MRTFB: variants seen among roughly 807,000 people sequenced by gnomAD.
MRTFB encodes the protein myocardin related transcription factor B.
Under a neutral mutation model 104.2 loss-of-function variants are expected in MRTFB, and 29 were observed. The observed-to-expected ratio is 0.28, with a 90% CI of 0.21 to 0.38. The LOEUF (loss-of-function observed/expected upper bound fraction) is 0.38. Ranked by LOEUF, MRTFB falls within the 10% of genes least tolerant of loss-of-function variation. The pLI is 1.00. For missense variants in MRTFB, 1,270 were observed against 1,341.6 expected (o/e 0.95, Z 0.83); for synonymous variants, 535 against 519.5 (o/e 1.03, Z -0.41).
chr16:13,996,030 G>C, the MRTFB span, among the ~76,000 whole-genome samples: 1 of 152,136 alleles, frequency 6.6e-6, no homozygotes, highest in African/African-American at 2.4e-5. Context: ...CTATCACTTT[G>C]GGAGGCCAAG....
At chr16:14,126,965 C>T (rs2037142087) in intron 2 of MRTFB, among the ~76,000 whole-genome samples, 1 of 152,224 alleles carries the variant, frequency 6.6e-6, no homozygotes, top group Non-Finnish European at 1.5e-5. Context: ...TGGTTTCTCA[C>T]AGCCAAGTGT....
At chr16:14,127,017 C>G (rs2037145832) in intron 2 of MRTFB, among the ~76,000 whole-genome samples, 1 of 152,150 alleles carries the variant, frequency 6.6e-6, no homozygotes, top group Non-Finnish European at 1.5e-5. Context: ...TTCATTTGCA[C>G]TCTGCAAGGG....
chr16:14,087,462 C>G (rs1303674701), intron 2 of MRTFB, among the ~76,000 whole-genome samples: 2 of 152,140 alleles, frequency 1.3e-5, no homozygotes, highest in African/African-American at 2.4e-5. Flanking sequence ...CTAGGCTACT[C>G]TCTTTAAATA....
chr16:14,198,791 C>T lies in MRTFB; in HGVS notation c.155-11452C>T, dbSNP rs148020921. On this transcript the variant is annotated intron_variant, in intron 3 of 16. Coordinates refer to ENST00000571589, the MANE Select transcript of MRTFB (RefSeq NM_001308142.2). The stretch of plus-strand genomic sequence containing the variant: ...AAGCTTCTTGCAGCAGTCGCCAATC[C>T]TCATTGCCCTCCTATTATGATAGAG... Among the ~76,000 whole-genome samples, 127 of 152,352 alleles carry T rather than the reference C, an allele frequency of 8.3e-4. 2 individuals carry two copies. In the East Asian group the frequency reaches 0.02, roughly 25 times the overall value.
the MRTFB span, among the ~76,000 whole-genome samples, chr16:14,041,012 A>G: frequency 6.6e-6 from 1 of 152,290 alleles, no homozygotes; most frequent in Admixed American, 6.5e-5. Context: ...ACACACCTGT[A>G]GTCCCAACTA....
At chr16:14,218,093 T>A (rs766744680) in intron 7 of MRTFB, among the ~76,000 whole-genome samples, 1 of 152,192 alleles carries the variant, frequency 6.6e-6, no homozygotes. Context: ...GGAGTCTGGC[T>A]CTGTCTCCCA....
At chr16:14,255,826 TAGAA>T (rs1030179319) in intron 15 of MRTFB, among the ~76,000 whole-genome samples, 9 of 151,454 alleles carry the variant, frequency 5.9e-5, no homozygotes, top group Admixed American at 5.9e-4. Flanking sequence ...AAAAAATCAA[TAGAA>T]AGGCCTGGCA....
intron 7 of MRTFB, 137 bp from the exon 8 acceptor site, chr16:14,218,683 T>C: frequency 4.0e-6 from 3 of 755,986 alleles, no homozygotes; most frequent in African/African-American, 1.8e-5. Flanking sequence ...GTTCTTGCAC[T>C]GGGAGGTACA....
intron 2 of MRTFB, among the ~76,000 whole-genome samples, chr16:14,086,005 T>C (rs1481494541): frequency 6.6e-6 from 1 of 152,234 alleles, no homozygotes. Flanking sequence ...TGTTTCATAG[T>C]ATAGACATGG....
chr16:14,026,465 G>A, the MRTFB span, among the ~76,000 whole-genome samples: 1 of 152,122 alleles, frequency 6.6e-6, no homozygotes, highest in Non-Finnish European at 1.5e-5. Context: ...GATATATGGG[G>A]AAATCTTCAT....
intron 13 of MRTFB, 30 bp from the exon 14 acceptor site, chr16:14,251,832 A>C (rs2043268208): frequency 6.2e-7 from 1 of 1,607,778 alleles, no homozygotes; most frequent in African/African-American, 1.3e-5. Flanking sequence ...CCAAAGAACA[A>C]ATTAATGGAG....
chr16:14,036,713 A>G, the MRTFB span, among the ~76,000 whole-genome samples: 1 of 151,934 alleles, frequency 6.6e-6, no homozygotes, highest in Non-Finnish European at 1.5e-5. Context: ...ATCATAGTCC[A>G]GGATTTCATA....
intron 2 of MRTFB, among the ~76,000 whole-genome samples, chr16:14,102,449 A>C (rs554883288): frequency 7.9e-4 from 121 of 152,340 alleles, no homozygotes; most frequent in Middle Eastern, 3.4e-3. Context: ...TCACTCGTAC[A>C]TGTTTAATAT....
the MRTFB span, among the ~76,000 whole-genome samples, chr16:14,061,124 C>T: frequency 1.3e-5 from 2 of 151,484 alleles, no homozygotes; most frequent in Non-Finnish European, 2.9e-5. Flanking sequence ...CCAGCCTGGG[C>T]GACAGCGCAA....
At chr16:14,178,208 A>G (rs1325841705) in intron 3 of MRTFB, among the ~76,000 whole-genome samples, 1 of 152,168 alleles carries the variant, frequency 6.6e-6, no homozygotes, top group Non-Finnish European at 1.5e-5. Context: ...TTCTTCCTCA[A>G]AGATGGAAGG....
intron 8 of MRTFB, among the ~76,000 whole-genome samples, chr16:14,225,489 C>T (rs1452736239): frequency 6.6e-6 from 1 of 151,996 alleles, no homozygotes; most frequent in Non-Finnish European, 1.5e-5. Context: ...ACAAAAAATC[C>T]GTAGAATCTG....
chr16:14,006,512 CA>C, the MRTFB span, among the ~76,000 whole-genome samples: 194 of 132,314 alleles, frequency 1.5e-3, no homozygotes, highest in Admixed American at 1.6e-3. Context: ...GACTCTGTCT[CA>C]AAAAAAAAAA....
Position 14,240,359 on chromosome 16 carries a change from T to G in MRTFB, c.954T>G (p.Asn318Lys). The change falls in exon 10 of 17, where the codon AAT (asparagine) becomes AAG (lysine). Residue 318 changes from asparagine (N) to lysine (K), a missense_variant. Around this residue, in one of 3 missense-constraint regions of MRTFB, gnomAD observed 1,144 missense variants for 1,131.5 expected, o/e 1.01. Coordinates refer to ENST00000571589, the MANE Select transcript of MRTFB (RefSeq NM_001308142.2). ...CACCAGATCAGAAGGGTGAGAAGAA[T>G]GAGCCGCAGATGGACTCTAACTACG... ...YIPPDQKGEK[N>K]EPQMDSNYAR... The G allele has an allele frequency of 1.2e-6, 2 of 1,614,118 alleles. No homozygotes were observed. The highest frequency in any genetic ancestry group is 1.7e-6 in the Non-Finnish European group (2 of 1,180,014).
At chr16:14,217,688 A>G (rs1328923297) in intron 7 of MRTFB, among the ~76,000 whole-genome samples, 2 of 152,250 alleles carry the variant, frequency 1.3e-5, no homozygotes, top group East Asian at 3.8e-4. Context: ...AAGATAGGAT[A>G]TTAACTTTTC....
Sources: gnomAD v4.1 joint callset for allele counts (sites outside exome capture counted in the v4.1 genomes callset) on GRCh38, gnomAD v4.1.1 for gene constraint, gnomAD v4.1.1 regional missense constraint, MANE v1.5 for transcripts, NCBI Gene and HGNC (gene_info 2026-07-23, HGNC 2026-07-21) for gene names.